NRXN1: variants seen among roughly 807,000 people sequenced by gnomAD.
NRXN1 encodes the protein neurexin 1.
NRXN1 carries 39 observed loss-of-function variants against 150.9 expected under a neutral mutation model. The observed-to-expected ratio is 0.26, with a 90% CI of 0.20 to 0.34. The LOEUF (loss-of-function observed/expected upper bound fraction) is 0.34, where lower values mean the gene tolerates loss of function less well. NRXN1 is among the 10% of genes least tolerant of loss of function. The probability of loss-of-function intolerance (pLI) is 1.00; values close to 1 mark genes in which losing one functional copy is unlikely to be tolerated. For missense variants in NRXN1, 1,815 were observed against 1,949.9 expected (o/e 0.93, Z 1.30); for synonymous variants, 924 against 757.0 (o/e 1.22, Z -3.62).
At chr2:49,981,671 C>T (rs72887820) in intron 21 of NRXN1, among the ~76,000 whole-genome samples, 74,679 of 151,822 alleles carry the variant, frequency 0.49, 18,787 homozygotes, top group Middle Eastern at 0.64. Flanking sequence ...ACATACAGAA[C>T]CCACATGGAG....
chr2:50,018,376 AAGAGCAAGCAGGG>A (rs1234933792), intron 21 of NRXN1, among the ~76,000 whole-genome samples: 1 of 152,148 alleles, frequency 6.6e-6, no homozygotes, highest in Non-Finnish European at 1.5e-5. Context: ...CTCCTACTCA[AAGAGCAAGCAGGG>A]ACTTCTTTTA....
intron 2 of NRXN1, among the ~76,000 whole-genome samples, chr2:50,934,568 C>A (rs1234188586): frequency 3.3e-5 from 5 of 152,130 alleles, no homozygotes; most frequent in East Asian, 1.9e-4. Context: ...GGCTACCAGG[C>A]TGGACAGCAC....
intron 18 of NRXN1, among the ~76,000 whole-genome samples, chr2:50,147,809 G>T (rs2058438261): frequency 6.6e-6 from 1 of 151,680 alleles, no homozygotes; most frequent in Non-Finnish European, 1.5e-5. Context: ...ATACAAAACA[G>T]TTATAGCTAG....
At chr2:50,069,882 G>A (rs1695962898) in intron 19 of NRXN1, among the ~76,000 whole-genome samples, 2 of 140,462 alleles carry the variant, frequency 1.4e-5, no homozygotes, top group African/African-American at 5.4e-5. Flanking sequence ...ACAGAGTCTC[G>A]CTCTGTCACC....
rs531456517 is a variant in NRXN1, at chr2:50,807,649, C to T, written c.832+114220G>A. 2.0e-5 allele frequency among the ~76,000 whole-genome samples: 3 copies of T among 152,270 alleles called. No individual in the cohort carries two copies. In the East Asian group the frequency reaches 5.8e-4, roughly 29 times the overall value. Reference sequence around the variant, plus strand: ...TTTGCAAAAGGAGCTCTTCAAGGTTCTGAACTCCTTTCCTTGCTCTGCTGT... The same window carrying T: ...TTTGCAAAAGGAGCTCTTCAAGGTTTTGAACTCCTTTCCTTGCTCTGCTGT... On this transcript the variant is annotated intron_variant, in intron 5 of 22. Transcript: ENST00000401669.
chr2:50,689,202 A>G (rs1203192650), intron 5 of NRXN1, among the ~76,000 whole-genome samples: 1 of 152,174 alleles, frequency 6.6e-6, no homozygotes, highest in African/African-American at 2.4e-5. Context: ...CACTGGAGAG[A>G]CACAAGAAAA....
intron 12 of NRXN1, among the ~76,000 whole-genome samples, chr2:50,510,441 T>C (rs996763686): frequency 8.2e-6 from 1 of 121,356 alleles, no homozygotes; most frequent in African/African-American, 3.3e-5. Flanking sequence ...AGCCGAGATC[T>C]CGCCATTGCA....
chr2:50,052,870 G>T lies in NRXN1; in HGVS notation c.4128+401C>A, dbSNP rs1692943767. The stretch of plus-strand genomic sequence containing the variant: ...TGTACTATTAAAATATCTCTTTTAA[G>T]ATTAAATTTGCCTTGATTTTATTTT... On this transcript the variant is annotated intron_variant, in intron 21 of 22. Transcript: ENST00000401669. Among the ~76,000 whole-genome samples, 3 of 152,012 alleles carry T rather than the reference G, an allele frequency of 2.0e-5. No homozygotes were observed. The South Asian group carries it at 6.2e-4, about 31-fold the overall frequency.
chr2:50,775,444 C>T (rs1005669872), intron 5 of NRXN1, among the ~76,000 whole-genome samples: 3 of 152,080 alleles, frequency 2.0e-5, no homozygotes. Context: ...GCTCGCACTG[C>T]TATGTTCTAT....
At chr2:50,849,043 T>C (rs1013138214) in intron 5 of NRXN1, among the ~76,000 whole-genome samples, 5 of 152,244 alleles carry the variant, frequency 3.3e-5, no homozygotes, top group African/African-American at 1.2e-4. Context: ...TCTTTTTTTG[T>C]GGTTACAACA....
At chr2:49,971,897 A>C (rs1678020558) in intron 21 of NRXN1, among the ~76,000 whole-genome samples, 1 of 152,188 alleles carries the variant, frequency 6.6e-6, no homozygotes, top group Non-Finnish European at 1.5e-5. Flanking sequence ...TGTCAAGCCA[A>C]GTTTCAAAAG....
At chr2:50,248,462 C>A (rs776357549) in intron 17 of NRXN1, among the ~76,000 whole-genome samples, 5 of 152,122 alleles carry the variant, frequency 3.3e-5, no homozygotes, top group Non-Finnish European at 7.4e-5. Flanking sequence ...AGACATTTAA[C>A]TTTTGTTCTA....
chr2:50,673,658 G>A (rs1689159444), intron 5 of NRXN1, among the ~76,000 whole-genome samples: 1 of 152,038 alleles, frequency 6.6e-6, no homozygotes. Flanking sequence ...CAAACAGACA[G>A]AAAAAGTAAT....
intron 2 of NRXN1, among the ~76,000 whole-genome samples, chr2:50,980,371 G>T (rs960210874): frequency 2.2e-4 from 33 of 152,074 alleles, no homozygotes; most frequent in African/African-American, 8.0e-4. Context: ...TCATTCAAAA[G>T]TTTTTACCTA....
At chr2:50,266,002 A>ATTTT (rs747310591) in intron 17 of NRXN1, among the ~76,000 whole-genome samples, 3 of 84,714 alleles carry the variant, frequency 3.5e-5, no homozygotes, top group African/African-American at 4.1e-5. Context: ...ATTATTATTT[A>ATTTT]TTTTTTTTTT....
intron 18 of NRXN1, among the ~76,000 whole-genome samples, chr2:50,205,638 C>A (rs572529177): frequency 1.4e-4 from 21 of 152,134 alleles, no homozygotes; most frequent in Non-Finnish European, 2.4e-4. Flanking sequence ...ACTTTCCACA[C>A]AAAATCTTGT....
intron 5 of NRXN1, among the ~76,000 whole-genome samples, chr2:50,718,992 A>G (rs1471546416): frequency 6.7e-6 from 1 of 150,302 alleles, no homozygotes; most frequent in Non-Finnish European, 1.5e-5. Flanking sequence ...AAGTAAATAT[A>G]AAAATATATT....
chr2:50,286,182 A>G (rs1218182851), intron 17 of NRXN1, among the ~76,000 whole-genome samples: 2 of 152,124 alleles, frequency 1.3e-5, no homozygotes, highest in East Asian at 1.9e-4. Context: ...CAAGAACACA[A>G]TGTATTGTTA....
intron 5 of NRXN1, among the ~76,000 whole-genome samples, chr2:50,649,155 T>C (rs942899306): frequency 1.3e-5 from 2 of 151,598 alleles, no homozygotes; most frequent in South Asian, 2.1e-4. Flanking sequence ...GTTAGAATTG[T>C]ATTCAAATTT....
Sources: allele counts gnomAD v4.1 joint callset (sites outside exome capture counted in the v4.1 genomes callset), GRCh38; gene constraint gnomAD v4.1.1; transcripts MANE v1.5; gene names NCBI Gene and HGNC (gene_info 2026-07-23, HGNC 2026-07-21).